Variants in MKKS observed in about 807,000 individuals in gnomAD.
MKKS encodes MKKS centrosomal shuttling protein, also known as molecular chaperone MKKS.
Under a neutral mutation model 33.2 loss-of-function variants are expected in MKKS, and 29 were observed. The ratio of observed to expected loss-of-function variants is 0.87; its 90% CI spans 0.65 to 1.19. The LOEUF is 1.19. Among genes scored for constraint, MKKS ranks in the 50% most tolerant of loss-of-function variants. MKKS has a pLI of 0.00. For missense variants in MKKS, 661 were observed against 662.3 expected, an observed-to-expected ratio of 1.00 and a Z score of 0.02; for synonymous variants, 260 against 244.0, an observed-to-expected ratio of 1.07 and a Z score of -0.61.
rs941417794 is a variant in MKKS, at chr20:10,402,576, T to C, written c.*2671A>G. 2 of 152,186 alleles carry C rather than the reference T, an allele frequency of 1.3e-5. No homozygotes were observed. The highest frequency in any genetic ancestry group is 2.9e-5 in the Non-Finnish European group (2 of 68,028). The allele number at this position is 152,186 out of a possible 1,614,324, so 9.4% of individuals were successfully genotyped here. A position where few individuals can be genotyped will look rare whatever the true frequency, so the allele number is the denominator to read the frequency against. ...AATTGTATGGCAAAGCTAAAAATGA[T>C]AGAATTTAAAAAGTGGCTATCGTGA... On this transcript the variant is annotated 3_prime_UTR_variant, in exon 6 of 6. Transcript: ENST00000347364.
chr20:10,415,796 T>C (rs2064934015), intron 2 of MKKS, among the ~76,000 whole-genome samples: 1 of 152,268 alleles, frequency 6.6e-6, no homozygotes, highest in African/African-American at 2.4e-5. Flanking sequence ...CAGAATGCCA[T>C]GTTGGCACCT....
chr20:10,414,440 C>T lies in MKKS; in HGVS notation c.-417-509G>A, dbSNP rs551137679. On this transcript the variant is annotated intron_variant, in intron 2 of 5. Coordinates refer to ENST00000347364, the MANE Select transcript of MKKS (RefSeq NM_170784.3). Reference sequence around the variant, plus strand: ...GCCACCATGCCCAGCTAATTTTGTACTTTTAGTAGAGATGGGGTTTCTCCA... The same window carrying T: ...GCCACCATGCCCAGCTAATTTTGTATTTTTAGTAGAGATGGGGTTTCTCCA... Among the ~76,000 whole-genome samples the T allele has an allele frequency of 6.8e-3, 1,035 of 152,016 alleles. 4 individuals are homozygous for T. Among genetic ancestry groups the T allele is most frequent in the Non-Finnish European group, 1.0e-2 (678 of 67,956 alleles).
At chr20:10,408,991 C>A (rs1232517790) in intron 3 of MKKS, among the ~76,000 whole-genome samples, 188 bp from the exon 4 acceptor site, 1 of 152,138 alleles carries the variant, frequency 6.6e-6, no homozygotes, top group Non-Finnish European at 1.5e-5. Context: ...AAATGATATA[C>A]AAATAAAGTA....
intron 2 of MKKS, among the ~76,000 whole-genome samples, chr20:10,415,014 A>G (rs958463247): frequency 1.1e-4 from 16 of 152,342 alleles, no homozygotes; most frequent in Admixed American, 7.2e-4. Flanking sequence ...ATTCAATTTC[A>G]AAGTCTAAAT....
In MKKS at chr20:10,413,343, A is replaced by T; in HGVS notation, c.172T>A (p.Ser58Thr). 6.2e-7 allele frequency: 1 copy of T among 1,614,190 alleles called. No homozygotes were observed. The highest frequency in any genetic ancestry group is 8.5e-7 in the Non-Finnish European group (1 of 1,180,006). The change falls in exon 3 of 6, where the codon TCA becomes ACA. Residue 58 changes from serine (S) to threonine (T), a missense_variant. Ser to Thr is a moderately conservative substitution (Grantham distance 58, BLOSUM62 1). Coordinates refer to ENST00000347364, the MANE Select transcript of MKKS (RefSeq NM_170784.3). ...TGACTGAGCAGAGCTGAGGACTGTG[A>T]GGTTGTACACACGTAACCTCCAAAG... ...NGFGGYVCTT[S>T]QSSALLSHLL...
chr20:10,413,656 A>C lies in MKKS; in HGVS notation c.-142T>G. 1 of 887,274 alleles carries C rather than the reference A, an allele frequency of 1.1e-6. No homozygotes were observed. The highest frequency in any genetic ancestry group is 1.7e-6 in the Non-Finnish European group (1 of 572,590). 55.0% of individuals were successfully genotyped at this position (887,274 alleles called of 1,614,324 possible). A position where few individuals can be genotyped will look rare whatever the true frequency, so the allele number is the denominator to read the frequency against. On this transcript the variant is annotated 5_prime_UTR_variant, in exon 3 of 6. Transcript: ENST00000347364. ...TATGCAGCATTGTGGCTATAAAATC[A>C]AAAAGTTCAATGTTTATGAAGCTAA...
At chr20:10,433,744 A>T (rs1164201343) in intron 1 of MKKS, among the ~76,000 whole-genome samples, 2 of 152,138 alleles carry the variant, frequency 1.3e-5, no homozygotes, top group East Asian at 3.9e-4. Flanking sequence ...CCAGACAGTC[A>T]GGGGCACACG....
At chr20:10,409,662 T>C (rs10222004) in intron 3 of MKKS, among the ~76,000 whole-genome samples, 2,040 of 152,160 alleles carry the variant, frequency 0.013, 46 homozygotes, top group African/African-American at 0.046. Flanking sequence ...TTCAAACTAA[T>C]GGGGTTTAGT....
intron 2 of MKKS, among the ~76,000 whole-genome samples, chr20:10,418,258 G>C (rs1010856422): frequency 6.6e-6 from 1 of 152,160 alleles, no homozygotes; most frequent in African/African-American, 2.4e-5. Context: ...CTGGCAAAAC[G>C]CTGTTAACTA....
intron 1 of MKKS, among the ~76,000 whole-genome samples, chr20:10,427,028 T>TGACACACACACAGACACACA (rs1491117558): frequency 6.5e-5 from 4 of 61,436 alleles, no homozygotes; most frequent in African/African-American, 3.2e-4. Context: ...AAGAAAACAC[T>TGACACACACACAGACACACA]GACACACACA....
intron 1 of MKKS, among the ~76,000 whole-genome samples, chr20:10,422,545 GGCTGCACCAAAGGTCA>G (rs2064987906): frequency 6.6e-6 from 1 of 152,074 alleles, no homozygotes; most frequent in African/African-American, 2.4e-5. Context: ...GAGGGACAGA[GGCTGCACCAAAGGTCA>G]GCTGGCCTGT....
rs1176805978 is a variant in MKKS at position 10,434,180 on chromosome 20, T to A, written c.-721A>T. ...CCAGAAACAGATCTCAAGCAGCCGC[T>A]GCTGCCGCGGATCCCGACAACCTTC... On this transcript the variant is annotated 5_prime_UTR_variant, in exon 1 of 6. Transcript: ENST00000347364. 6.6e-6 allele frequency: 1 copy of A among 152,330 alleles called. No homozygotes were observed. The highest frequency in any genetic ancestry group is 1.9e-4 in the East Asian group (1 of 5,172). 9.4% of individuals were successfully genotyped at this position (152,330 alleles called of 1,614,324 possible). A position where few individuals can be genotyped will look rare whatever the true frequency, so the allele number is the denominator to read the frequency against.
chr20:10,407,874 G>C, intron 4 of MKKS, 148 bp from the exon 5 acceptor site: 1 of 699,028 alleles, frequency 1.4e-6, no homozygotes, highest in Non-Finnish European at 2.6e-6. Flanking sequence ...GTTGTCATGT[G>C]ATTAATACAT....
chr20:10,406,208 A>G (rs2064843342), intron 5 of MKKS, among the ~76,000 whole-genome samples: 1 of 152,234 alleles, frequency 6.6e-6, no homozygotes, highest in African/African-American at 2.4e-5. Flanking sequence ...CTTTAAATTA[A>G]TGAAAAGGTA....
intron 2 of MKKS, among the ~76,000 whole-genome samples, chr20:10,418,926 T>C (rs927920968): frequency 6.6e-6 from 1 of 152,170 alleles, no homozygotes; most frequent in African/African-American, 2.4e-5. Context: ...AAATTTTATA[T>C]AGAATGTCCT....
chr20:10,413,374 G>C lies in MKKS; in HGVS notation c.141C>G (p.His47Gln). 1 of 1,613,162 alleles carries C rather than the reference G, an allele frequency of 6.2e-7. No homozygotes were observed. The highest frequency in any genetic ancestry group is 8.5e-7 in the Non-Finnish European group (1 of 1,179,102). ...TACACACGTAACCTCCAAAGCCATT[G>C]TGCAGCTGCTTCAGCCTACCTGAGG... ...YGPSGRLKQL[H>Q]NGFGGYVCTT... is the part of the protein sequence containing the mutation. Residue 47 changes from histidine to glutamine, a missense_variant, in exon 3 of 6, where the codon CAC (histidine) becomes CAG (glutamine). Physicochemically the swap from His to Gln is conservative, Grantham distance 24. Coordinates refer to ENST00000347364, the MANE Select transcript of MKKS (RefSeq NM_170784.3).
At chr20:10,411,410 A>G (rs972855480) in intron 3 of MKKS, among the ~76,000 whole-genome samples, 1 of 152,132 alleles carries the variant, frequency 6.6e-6, no homozygotes, top group African/African-American at 2.4e-5. Flanking sequence ...ACACCCAGCT[A>G]AAGTGTCCCA....
rs1384286027 is a variant in MKKS, at chr20:10,405,208, G to C, written c.*39C>G. The C allele has an allele frequency of 1.3e-6, 2 of 1,521,466 alleles. No individual in the cohort carries two copies. The highest frequency in any genetic ancestry group is 2.8e-5 in the African/African-American group (2 of 72,520). The allele number at this position is 1,521,466 out of a possible 1,614,324, so 94.2% of individuals were successfully genotyped here. On this transcript the variant is annotated 3_prime_UTR_variant, in exon 6 of 6. Coordinates refer to ENST00000347364, the MANE Select transcript of MKKS (RefSeq NM_170784.3). ...ATTTTTCTCAATTGCCAACAGACTAGTTTATTTGTTTCTCTTGTAATACGA... is the reference window on the plus strand; with the variant it reads ...ATTTTTCTCAATTGCCAACAGACTACTTTATTTGTTTCTCTTGTAATACGA...
chr20:10,424,055 A>G (rs2064998393), intron 1 of MKKS, among the ~76,000 whole-genome samples: 1 of 152,216 alleles, frequency 6.6e-6, no homozygotes, highest in Non-Finnish European at 1.5e-5. Context: ...GGCTTGGGAA[A>G]TGATTAGGAT....
Sources: gnomAD v4.1 joint callset for allele counts (sites outside exome capture counted in the v4.1 genomes callset) on GRCh38, gnomAD v4.1.1 for gene constraint, MANE v1.5 for transcripts, NCBI Gene and HGNC (gene_info 2026-07-23, HGNC 2026-07-21) for gene names.